CACNA2D3: variants seen among roughly 807,000 people sequenced by gnomAD.
The protein encoded by CACNA2D3 is voltage-dependent calcium channel subunit alpha-2/delta-3.
In CACNA2D3, 60 loss-of-function variants were observed where a neutral mutation model predicts 160.6. The ratio of observed to expected loss-of-function variants is 0.37; its 90% CI spans 0.30 to 0.46. The LOEUF (loss-of-function observed/expected upper bound fraction) is 0.46. CACNA2D3 is among the 20% of genes least tolerant of loss of function. CACNA2D3 has a pLI of 1.00. For missense variants in CACNA2D3, 1,205 were observed against 1,365.0 expected, an observed-to-expected ratio of 0.88 and a Z score of 1.85; for synonymous variants, 558 against 492.9, an observed-to-expected ratio of 1.13 and a Z score of -1.75.
intron 18 of CACNA2D3, among the ~76,000 whole-genome samples, chr3:54,872,879 ATCT>A (rs1699570927): frequency 6.6e-6 from 1 of 152,048 alleles, no homozygotes; most frequent in African/African-American, 2.4e-5. Context: ...CGAGTTTTCT[ATCT>A]TCTTATTCCT....
chr3:54,734,141 C>T (rs1701449207), intron 11 of CACNA2D3, among the ~76,000 whole-genome samples: 1 of 152,120 alleles, frequency 6.6e-6, no homozygotes, highest in Non-Finnish European at 1.5e-5. Flanking sequence ...AAATCGTTGT[C>T]CAAGAGGCTG....
At chr3:54,700,083 T>C (rs971293881) in intron 11 of CACNA2D3, among the ~76,000 whole-genome samples, 3 of 152,210 alleles carry the variant, frequency 2.0e-5, no homozygotes, top group Non-Finnish European at 2.9e-5. Context: ...GTGCACTACC[T>C]AGTCATAGCC....
intron 11 of CACNA2D3, among the ~76,000 whole-genome samples, chr3:54,668,433 G>GTTC (rs1700105349): frequency 6.6e-6 from 1 of 152,154 alleles, no homozygotes; most frequent in African/African-American, 2.4e-5. Context: ...TGACATGTGG[G>GTTC]TTCACCTCCG....
chr3:54,902,131 A>T (rs994725496), intron 27 of CACNA2D3, among the ~76,000 whole-genome samples: 1 of 152,208 alleles, frequency 6.6e-6, no homozygotes, highest in Non-Finnish European at 1.5e-5. Context: ...TTAGGTCTCA[A>T]TGAAATCCTT....
At chr3:54,977,002 G>A (rs529547646) in intron 29 of CACNA2D3, among the ~76,000 whole-genome samples, 2 of 152,302 alleles carry the variant, frequency 1.3e-5, no homozygotes, top group South Asian at 2.1e-4. Context: ...AAAGTGGAAA[G>A]TATGAAACTG....
chr3:54,726,262 G>A (rs957954930), intron 11 of CACNA2D3, among the ~76,000 whole-genome samples: 1 of 151,588 alleles, frequency 6.6e-6, no homozygotes, highest in African/African-American at 2.4e-5. Context: ...AAATCAGAGA[G>A]GACACAAACA....
chr3:54,618,374 T>TATATATTCACAC, intron 9 of CACNA2D3, among the ~76,000 whole-genome samples: 2 of 54,580 alleles, frequency 3.7e-5, no homozygotes, highest in Non-Finnish European at 3.1e-5. Flanking sequence ...TATATATATA[T>TATATATTCACAC]GCACACACAC....
intron 2 of CACNA2D3, among the ~76,000 whole-genome samples, chr3:54,237,716 G>C (rs544688185): frequency 1.3e-5 from 2 of 152,194 alleles, no homozygotes; most frequent in South Asian, 4.2e-4. Flanking sequence ...AAGTGCTTCT[G>C]TTGTCAGCAT....
rs140012615 is a variant in CACNA2D3 at position 54,181,027 on chromosome 3, C to T, written c.204+57433C>T. ...AAGGCTTCTTAGGGTTCCTGCCCCC[C>T]ACCATATATAACAGGAGGCTTCCCT... On this transcript the variant is annotated intron_variant, in intron 2 of 37. Transcript: ENST00000474759. 3.8e-3 allele frequency among the ~76,000 whole-genome samples: 579 copies of T among 152,274 alleles called. 4 individuals carry two copies. Among genetic ancestry groups the T allele is most frequent in the African/African-American group, 0.013 (530 of 41,540 alleles).
intron 11 of CACNA2D3, among the ~76,000 whole-genome samples, chr3:54,739,110 G>A (rs941107093): frequency 2.6e-5 from 4 of 151,794 alleles, no homozygotes; most frequent in Non-Finnish European, 4.4e-5. Flanking sequence ...CAGCCTAGGT[G>A]ACAGACTGTC....
In CACNA2D3 at chr3:54,865,953, C is replaced by T. The variant is rs182778629; in HGVS notation, c.1627-5586C>T. Among the ~76,000 whole-genome samples, 4 of 152,058 alleles carry T rather than the reference C, an allele frequency of 2.6e-5. No individual in the cohort carries two copies. The East Asian group carries it at 7.7e-4, about 29-fold the overall frequency. ...AAATGAGGCACAGAGACGTGCACAC[C>T]TAGCCCCAGACCACACAGCATGTAG... On this transcript the variant is annotated intron_variant, in intron 17 of 37. Transcript: ENST00000474759.
chr3:54,680,163 A>G (rs1470978336), intron 11 of CACNA2D3, among the ~76,000 whole-genome samples: 1 of 152,182 alleles, frequency 6.6e-6, no homozygotes, highest in East Asian at 1.9e-4. Context: ...AGAAGCTAAA[A>G]AAAAAAAATG....
intron 34 of CACNA2D3, 103 bp downstream of exon 34, chr3:55,009,546 G>A (rs1012562233): frequency 2.8e-6 from 3 of 1,083,112 alleles, no homozygotes; most frequent in Non-Finnish European, 4.2e-6. Context: ...AATTCCCCAG[G>A]ACAAAGTGAT....
chr3:54,809,576 C>A (rs1703243380), intron 13 of CACNA2D3, among the ~76,000 whole-genome samples: 1 of 140,704 alleles, frequency 7.1e-6, no homozygotes, highest in Non-Finnish European at 1.5e-5. Flanking sequence ...CCTCGGCCTC[C>A]CAAAGTGCTG....
At chr3:54,445,368 A>G (rs7429408) in intron 4 of CACNA2D3, among the ~76,000 whole-genome samples, 152,337 of 152,372 alleles carry the variant, frequency 1, 76,151 homozygotes, top group Middle Eastern at 1. Flanking sequence ...TGCCTGCAAC[A>G]TGAGTTCAGC....
chr3:54,696,312 G>C (rs1700665860), intron 11 of CACNA2D3, among the ~76,000 whole-genome samples: 1 of 152,184 alleles, frequency 6.6e-6, no homozygotes, highest in Admixed American at 6.6e-5. Context: ...CATTCCAGCA[G>C]CAGTGATATT....
chr3:54,249,591 G>T, intron 2 of CACNA2D3, among the ~76,000 whole-genome samples: 1 of 52,368 alleles, frequency 1.9e-5, no homozygotes, highest in Non-Finnish European at 3.7e-5. Context: ...ACACACACCA[G>T]GCTACATTTG....
Position 54,122,887 on chromosome 3 carries a change from C to T in CACNA2D3, c.122+52C>T, listed in dbSNP as rs950011139. 4.8e-5 allele frequency: 58 copies of T among 1,203,040 alleles called. No individual in the cohort carries two copies. The African/African-American group carries it at 9.0e-4, about 19-fold the overall frequency. The allele number at this position is 1,203,040 out of a possible 1,614,324, so 74.5% of individuals were successfully genotyped here. ...GGGAGGGGACCTTGCCGCCTGCGAC[C>T]CACTGTGCCCAAGTTTGGGCGCCTG... On this transcript the variant is annotated intron_variant, in intron 1 of 37. Coordinates refer to ENST00000474759, the MANE Select transcript of CACNA2D3 (RefSeq NM_018398.3).
chr3:54,642,278 C>A, intron 11 of CACNA2D3, 37 bp downstream of exon 11: 1 of 1,235,734 alleles, frequency 8.1e-7, no homozygotes, highest in East Asian at 2.5e-5. Flanking sequence ...CGGTGGACTC[C>A]TTGAGAATCT....
Sources: allele counts gnomAD v4.1 joint callset (sites outside exome capture counted in the v4.1 genomes callset), GRCh38; gene constraint gnomAD v4.1.1; transcripts MANE v1.5; gene names NCBI Gene and HGNC (gene_info 2026-07-23, HGNC 2026-07-21).